HELZ: variants seen among roughly 807,000 people sequenced by gnomAD.
The protein encoded by HELZ is helicase with zinc finger, also known as ATP-dependent RNA helicase with zinc finger domain.
HELZ carries 23 observed loss-of-function variants against 218.2 expected under a neutral mutation model. The ratio of observed to expected loss-of-function variants is 0.11; its 90% CI spans 0.08 to 0.15. The LOEUF is 0.15. Ranked by LOEUF, HELZ falls within the 10% of genes least tolerant of loss-of-function variation. The pLI, the probability that HELZ is intolerant of heterozygous loss-of-function variation, is 1.00. For synonymous variants in HELZ, 814 were observed against 829.4 expected (o/e 0.98, Z 0.32); for missense variants, 1,813 against 2,353.7 (o/e 0.77, Z 4.75).
At chr17:67,165,398 C>T (rs1230670803) in intron 15 of HELZ, among the ~76,000 whole-genome samples, 1 of 152,178 alleles carries the variant, frequency 6.6e-6, no homozygotes, top group Admixed American at 6.5e-5. Context: ...CCTCCGTGCT[C>T]ACTCTTCCCC....
In HELZ at chr17:67,130,589, G is replaced by T. The variant is rs542908785; in HGVS notation, c.3183-1734C>A. 2.0e-5 allele frequency among the ~76,000 whole-genome samples: 3 copies of T among 152,126 alleles called. No homozygotes were observed. The South Asian group carries it at 6.2e-4, about 32-fold the overall frequency. ...TTTTATTTTTAAGAACACCAATGAA[G>T]GAATTGTGCTTTTTTTCTCATCATA... On this transcript the variant is annotated intron_variant, in intron 23 of 32. Coordinates refer to ENST00000358691, the MANE Select transcript of HELZ (RefSeq NM_014877.4).
At chr17:67,151,737 G>A (rs1033544079) in intron 17 of HELZ, among the ~76,000 whole-genome samples, 4 of 152,130 alleles carry the variant, frequency 2.6e-5, no homozygotes, top group African/African-American at 9.7e-5. Context: ...CTCTGTCTGA[G>A]GTTCTGGAAA....
chr17:67,135,012 C>T (rs1462841240), intron 23 of HELZ, among the ~76,000 whole-genome samples: 1 of 150,664 alleles, frequency 6.6e-6, no homozygotes, highest in Non-Finnish European at 1.5e-5. Flanking sequence ...AGTTCTTCAA[C>T]ACTCAAAAGG....
intron 18 of HELZ, 77 bp downstream of exon 18, chr17:67,150,969 A>G (rs2038663955): frequency 7.9e-7 from 1 of 1,268,828 alleles, no homozygotes; most frequent in African/African-American, 1.5e-5. Context: ...TGGCCCACAC[A>G]CTGTAGTTTG....
chr17:67,141,074 A>G (rs2038307354), intron 21 of HELZ, among the ~76,000 whole-genome samples: 1 of 152,208 alleles, frequency 6.6e-6, no homozygotes, highest in African/African-American at 2.4e-5. Flanking sequence ...AAGAAATACT[A>G]AAGGAAGTTC....
chr17:67,149,475 T>C (rs562017123), intron 19 of HELZ, among the ~76,000 whole-genome samples: 3 of 152,200 alleles, frequency 2.0e-5, no homozygotes, highest in East Asian at 1.9e-4. Flanking sequence ...TAGTTTTCTA[T>C]TACACCAAAA....
At chr17:67,137,380 T>G (rs746056863) in intron 22 of HELZ, among the ~76,000 whole-genome samples, 2 of 152,184 alleles carry the variant, frequency 1.3e-5, no homozygotes, top group Admixed American at 6.5e-5. Flanking sequence ...CATGGTACAG[T>G]AGAACTATTT....
Position 67,109,358 on chromosome 17 carries a change from G to A in HELZ, c.4247C>T (p.Pro1416Leu). ...SQLNQQPQQP[P>L]PQLSPAYQAG... ...CTGATATGCAGGAGAAAGCTGAGGA[G>A]GTGGCTGCTGAGGCTGCTGATTCAA... Residue 1416 changes from proline to leucine, a missense_variant, in exon 29 of 33, where the codon CCT (proline) becomes CTT (leucine). This residue lies in a region of HELZ where 938 missense variants were observed against 1,027.5 expected (regional missense o/e 0.91). Transcript: ENST00000358691. The A allele has an allele frequency of 1.2e-6, 2 of 1,614,186 alleles. No individual in the cohort carries two copies. Among genetic ancestry groups the A allele is most frequent in the Non-Finnish European group, 8.5e-7 (1 of 1,180,028 alleles).
intron 15 of HELZ, among the ~76,000 whole-genome samples, chr17:67,161,295 C>T (rs1043459319): frequency 5.3e-5 from 8 of 152,156 alleles, no homozygotes; most frequent in Non-Finnish European, 1.2e-4. Context: ...TTATCTTGTC[C>T]TACACTACGT....
intron 3 of HELZ, chr17:67,224,955 G>C (rs961322799): frequency 1.4e-6 from 1 of 707,280 alleles, no homozygotes; most frequent in Admixed American, 1.8e-5. Context: ...AGCCCAAACA[G>C]ATCTAAGAGA....
intron 31 of HELZ, 74 bp downstream of exon 31, chr17:67,107,095 C>A: frequency 2.3e-6 from 3 of 1,324,728 alleles, no homozygotes; most frequent in Non-Finnish European, 3.1e-6. Context: ...CTGTGCCTTC[C>A]TATTATCAAA....
chr17:67,221,017 T>C (rs1188077477), intron 3 of HELZ, among the ~76,000 whole-genome samples: 8 of 152,124 alleles, frequency 5.3e-5, no homozygotes, highest in Non-Finnish European at 1.2e-4. Flanking sequence ...CAAACATACA[T>C]TGATGTGGGT....
At chr17:67,128,145 T>G (rs1008643632) in intron 24 of HELZ, among the ~76,000 whole-genome samples, 3 of 152,182 alleles carry the variant, frequency 2.0e-5, no homozygotes, top group African/African-American at 7.2e-5. Context: ...AAAAAATATG[T>G]GTCAAAATCA....
At chr17:67,117,571 A>T (rs1446678833) in intron 27 of HELZ, among the ~76,000 whole-genome samples, 1 of 148,156 alleles carries the variant, frequency 6.7e-6, no homozygotes, top group Admixed American at 6.7e-5. Flanking sequence ...TTTTTTTGAG[A>T]CAGAGTCTTG....
intron 7 of HELZ, among the ~76,000 whole-genome samples, chr17:67,197,547 G>A (rs1050439605): frequency 3.3e-5 from 5 of 152,150 alleles, no homozygotes; most frequent in African/African-American, 1.2e-4. Context: ...TTAGCTGTGT[G>A]CATCTCTGAC....
chr17:67,121,520 C>G (rs2037610393), intron 26 of HELZ, among the ~76,000 whole-genome samples: 1 of 152,144 alleles, frequency 6.6e-6, no homozygotes, highest in African/African-American at 2.4e-5. Flanking sequence ...GTGAACTATC[C>G]TGACCAACGT....
intron 15 of HELZ, 63 bp from the exon 16 acceptor site, chr17:67,161,139 C>T (rs148457311): frequency 6.7e-5 from 83 of 1,234,904 alleles, no homozygotes; most frequent in Non-Finnish European, 8.4e-5. Flanking sequence ...ACATAACACA[C>T]GAGTATCGTG....
chr17:67,161,503 C>T (rs1567853049), intron 15 of HELZ, among the ~76,000 whole-genome samples: 1 of 152,124 alleles, frequency 6.6e-6, no homozygotes, highest in East Asian at 1.9e-4. Flanking sequence ...GGGAAACTAT[C>T]TGAATTTCAA....
At position 67,167,351 on chromosome 17, in the gene HELZ, A is replaced by C. The variant is rs2039174917; in HGVS notation, c.1764+112T>G. The C allele has an allele frequency of 6.5e-6, 5 of 771,970 alleles. No individual in the cohort carries two copies. In the East Asian group the frequency reaches 1.0e-4, roughly 15 times the overall value. The allele number at this position is 771,970 out of a possible 1,614,324, so 47.8% of individuals were successfully genotyped here. A position where few individuals can be genotyped will look rare whatever the true frequency, so the allele number is the denominator to read the frequency against. On this transcript the variant is annotated intron_variant, in intron 14 of 32. Coordinates refer to ENST00000358691, the MANE Select transcript of HELZ (RefSeq NM_014877.4). ...TTTTCAACCCACCACTGTAGACTTCAAAGTCAGCTTTGCTTTTGTTTACGG... is the reference window on the plus strand; with the variant it reads ...TTTTCAACCCACCACTGTAGACTTCCAAGTCAGCTTTGCTTTTGTTTACGG...
Sources: allele counts gnomAD v4.1 joint callset (sites outside exome capture counted in the v4.1 genomes callset), GRCh38; gene constraint gnomAD v4.1.1; regional missense constraint gnomAD v4.1.1; transcripts MANE v1.5; gene names NCBI Gene and HGNC (gene_info 2026-07-23, HGNC 2026-07-21).